The following NAPEPLD variants were observed in gnomAD, a reference collection of about 807,000 sequenced individuals.
NAPEPLD encodes the protein N-acyl phosphatidylethanolamine phospholipase D, also known as N-acyl-phosphatidylethanolamine-hydrolyzing phospholipase D.
Under a neutral mutation model 38.1 loss-of-function variants are expected in NAPEPLD, and 23 were observed. The observed-to-expected ratio is 0.60, with a 90% CI of 0.43 to 0.86. The LOEUF is 0.86. NAPEPLD is among the 40% of genes least tolerant of loss of function. The probability of loss-of-function intolerance (pLI) is 0.00; values close to 1 mark genes in which losing one functional copy is unlikely to be tolerated. For missense variants in NAPEPLD, 411 were observed against 476.8 expected, an observed-to-expected ratio of 0.86 and a Z score of 1.28; for synonymous variants, 147 against 162.0, an observed-to-expected ratio of 0.91 and a Z score of 0.71.
At chr7:103,108,529 C>A (rs1189356509) in intron 4 of NAPEPLD, among the ~76,000 whole-genome samples, 1 of 152,166 alleles carries the variant, frequency 6.6e-6, no homozygotes, top group East Asian at 1.9e-4. Context: ...CCTTTACAGA[C>A]AAGCAAATGC....
intron 2 of NAPEPLD, among the ~76,000 whole-genome samples, chr7:103,122,003 T>A (rs1301726645): frequency 6.6e-6 from 1 of 151,940 alleles, no homozygotes; most frequent in African/African-American, 2.4e-5. Flanking sequence ...CAAACAGGAA[T>A]GTGGTGTTTG....
At chr7:103,126,202 C>T (rs1807763029) in intron 2 of NAPEPLD, among the ~76,000 whole-genome samples, 1 of 151,996 alleles carries the variant, frequency 6.6e-6, no homozygotes, top group South Asian at 2.1e-4. Flanking sequence ...CATTAAAAAC[C>T]CTAGACCTCT....
chr7:103,149,859 T>A (rs1308808248), upstream of NAPEPLD, among the ~76,000 whole-genome samples: 6 of 152,288 alleles, frequency 3.9e-5, no homozygotes, highest in East Asian at 1.2e-3. Context: ...TCGAGAAGCA[T>A]TTGAATACTT....
At chr7:103,120,862 AC>A (rs1806556881) in intron 2 of NAPEPLD, among the ~76,000 whole-genome samples, 2 of 151,660 alleles carry the variant, frequency 1.3e-5, no homozygotes, top group Admixed American at 1.3e-4. Flanking sequence ...GGCACACAGC[AC>A]CACCATATCC....
At chr7:103,127,598 G>A (rs1360306194) in intron 2 of NAPEPLD, 1 of 152,150 alleles carries the variant, frequency 6.6e-6, no homozygotes, top group Non-Finnish European at 1.5e-5. Context: ...ACCCTGGGAA[G>A]GCATCAGCTC....
chr7:103,146,035 G>C (rs1373777526), intron 1 of NAPEPLD, among the ~76,000 whole-genome samples: 1 of 152,052 alleles, frequency 6.6e-6, no homozygotes, highest in Non-Finnish European at 1.5e-5. Flanking sequence ...GCTTAGTTTA[G>C]AGAGCTTTCC....
chr7:103,128,567 T>C lies in NAPEPLD; in HGVS notation c.210A>G (p.Pro70=). 1 of 1,614,228 alleles carries C rather than the reference T, an allele frequency of 6.2e-7. No homozygotes were observed. Among genetic ancestry groups the C allele is most frequent in the Non-Finnish European group, 8.5e-7 (1 of 1,180,044 alleles). ...GKDGRFVNPW[P]TWKNPSIPNV... is the part of the protein sequence containing the mutation. ...TTGGAATAGAGGGGTTTTTCCATGT[T>C]GGCCACGGATTCACAAATCTCCCAT... Residue 70 remains proline (P), a synonymous_variant, in exon 2 of 5, where the codon CCA becomes CCG. Coordinates refer to ENST00000465647, the MANE Select transcript of NAPEPLD (RefSeq NM_001122838.3).
chr7:103,141,785 C>A, intron 1 of NAPEPLD: 11 of 868,848 alleles, frequency 1.3e-5, no homozygotes, highest in Non-Finnish European at 2.2e-5. Flanking sequence ...CACAGGCTTG[C>A]GGATGATCAG....
chr7:103,107,199 A>T (rs1803544884), intron 4 of NAPEPLD, among the ~76,000 whole-genome samples: 1 of 152,236 alleles, frequency 6.6e-6, no homozygotes, highest in Admixed American at 6.5e-5. Flanking sequence ...AAGGAATAGT[A>T]TCAGCATCAA....
chr7:103,122,607 G>A (rs1806942259), intron 2 of NAPEPLD, among the ~76,000 whole-genome samples: 1 of 152,170 alleles, frequency 6.6e-6, no homozygotes, highest in African/African-American at 2.4e-5. Context: ...GAAAACAGGT[G>A]TAATAATTGT....
chr7:103,149,375 C>A, upstream of NAPEPLD: 2 of 1,169,148 alleles, frequency 1.7e-6, no homozygotes, highest in South Asian at 1.5e-5. Flanking sequence ...GCGGGAGGGG[C>A]GACCGCGGCA....
chr7:103,120,711 T>TC (rs1806498623), intron 2 of NAPEPLD, among the ~76,000 whole-genome samples: 1 of 115,210 alleles, frequency 8.7e-6, no homozygotes, highest in African/African-American at 4.0e-5. Context: ...CTTTTTTTTT[T>TC]TTTTTTTTTT....
chr7:103,121,830 C>T (rs1806758071), intron 2 of NAPEPLD, among the ~76,000 whole-genome samples: 1 of 151,994 alleles, frequency 6.6e-6, no homozygotes, highest in Admixed American at 6.6e-5. Context: ...AAATACAGGT[C>T]ATGTTATAGC....
chr7:103,134,972 T>C (rs1188375253), intron 1 of NAPEPLD, among the ~76,000 whole-genome samples: 2 of 152,228 alleles, frequency 1.3e-5, no homozygotes, highest in Non-Finnish European at 2.9e-5. Context: ...CATTTAAGAT[T>C]TGCCAACTGC....
chr7:103,135,564 C>G (rs139609836), intron 1 of NAPEPLD, among the ~76,000 whole-genome samples: 1 of 152,156 alleles, frequency 6.6e-6, no homozygotes, highest in Non-Finnish European at 1.5e-5. Context: ...GAACTTCATT[C>G]TTACCACACT....
chr7:103,140,386 TC>T (rs1303586946), intron 1 of NAPEPLD, among the ~76,000 whole-genome samples: 7 of 88,192 alleles, frequency 7.9e-5, no homozygotes, highest in Non-Finnish European at 1.2e-4. Flanking sequence ...TTCACAGAAC[TC>T]TTTTTTTTTT....
At chr7:103,120,490 G>T (rs1806426588) in intron 2 of NAPEPLD, among the ~76,000 whole-genome samples, 1 of 152,054 alleles carries the variant, frequency 6.6e-6, no homozygotes, top group Non-Finnish European at 1.5e-5. Flanking sequence ...GCTGCTAAAT[G>T]TATCAATTTT....
At chr7:103,136,261 C>A in intron 1 of NAPEPLD, among the ~76,000 whole-genome samples, 1 of 148,660 alleles carries the variant, frequency 6.7e-6, no homozygotes. Flanking sequence ...AGTGAGACCC[C>A]ACCTCAAAAA....
In NAPEPLD at chr7:103,100,503, G is replaced by A. The variant is rs200798585; in HGVS notation, c.*2926C>T. The A allele has an allele frequency of 1.3e-5, 2 of 152,140 alleles. No homozygotes were observed. Among genetic ancestry groups the A allele is most frequent in the East Asian group, 3.9e-4 (2 of 5,194 alleles). 9.4% of individuals were successfully genotyped at this position (152,140 alleles called of 1,614,324 possible). A position where few individuals can be genotyped will look rare whatever the true frequency, so the allele number is the denominator to read the frequency against. On this transcript the variant is annotated 3_prime_UTR_variant, in exon 5 of 5. Transcript: ENST00000465647. ...GCACAAATACATCTTTTCCTACGTA[G>A]GTCACGGCATATGTTGGCTTTTATA...
Sources: gnomAD v4.1 joint callset for allele counts (sites outside exome capture counted in the v4.1 genomes callset) on GRCh38, gnomAD v4.1.1 for gene constraint, MANE v1.5 for transcripts, NCBI Gene and HGNC (gene_info 2026-07-23, HGNC 2026-07-21) for gene names.